Variants in GOLGA4 observed in about 807,000 individuals in gnomAD.
GOLGA4 encodes the protein golgin A4.
GOLGA4 carries 169 observed loss-of-function variants against 265.9 expected under a neutral mutation model. The observed-to-expected ratio is 0.64, with a 90% CI of 0.56 to 0.72. The LOEUF (loss-of-function observed/expected upper bound fraction) is 0.72. Among genes scored for constraint, GOLGA4 ranks in the 30% least tolerant of loss-of-function variants. The probability of loss-of-function intolerance (pLI) is 0.00; values close to 1 mark genes in which losing one functional copy is unlikely to be tolerated. For synonymous variants in GOLGA4, 923 were observed against 855.8 expected, an observed-to-expected ratio of 1.08 and a Z score of -1.37; for missense variants, 2,482 against 2,483.4, an observed-to-expected ratio of 1.00 and a Z score of 0.01.
intron 11 of GOLGA4, among the ~76,000 whole-genome samples, chr3:37,317,575 G>C (rs2096941338): frequency 6.6e-6 from 1 of 152,118 alleles, no homozygotes; most frequent in African/African-American, 2.4e-5. Flanking sequence ...TTTAATTGTT[G>C]CCTAGTTGCT....
intron 1 of GOLGA4, among the ~76,000 whole-genome samples, chr3:37,248,802 C>G (rs1375806000): frequency 2.6e-5 from 4 of 152,078 alleles, no homozygotes; most frequent in African/African-American, 9.7e-5. Context: ...AGGTGTAAGA[C>G]GTAATGCCAA....
At chr3:37,253,837 A>G (rs553922836) in intron 2 of GOLGA4, among the ~76,000 whole-genome samples, 40 of 152,222 alleles carry the variant, frequency 2.6e-4, no homozygotes, top group Admixed American at 2.3e-3. Context: ...AGCCTGATCA[A>G]TATGGTGAAA....
chr3:37,310,444 T>A (rs1052685921), intron 10 of GOLGA4, among the ~76,000 whole-genome samples: 2 of 152,244 alleles, frequency 1.3e-5, no homozygotes, highest in African/African-American at 4.8e-5. Context: ...CTTTGTCACT[T>A]AATACCTAGC....
chr3:37,243,711 T>C (rs902827941), intron 1 of GOLGA4, 89 bp downstream of exon 1: 14 of 1,088,558 alleles, frequency 1.3e-5, no homozygotes, highest in Non-Finnish European at 1.8e-5. Flanking sequence ...GGGGAAGTTC[T>C]TCCGTGACCT....
Position 37,327,616 on chromosome 3 carries a change from A to C in GOLGA4, c.5730A>C (p.Ser1910=). The C allele has an allele frequency of 6.2e-7, 1 of 1,613,216 alleles. No homozygotes were observed. Among genetic ancestry groups the C allele is most frequent in the South Asian group, 1.1e-5 (1 of 90,994 alleles). ...AAAACACTGAAGAAAAGTCCAAATC[A>C]CATTTGGTCCAACCCAAATTGCTTA... ...LEENTEEKSK[S]HLVQPKLLSN... Residue 1910 remains serine (S), a synonymous_variant, in exon 14 of 24, where the codon TCA becomes TCC. Transcript: ENST00000361924.
chr3:37,266,996 C>A, intron 2 of GOLGA4: 1 of 770,724 alleles, frequency 1.3e-6, no homozygotes, highest in Non-Finnish European at 1.9e-6. Context: ...AGTAATTTGG[C>A]AATTGTAGAA....
intron 2 of GOLGA4, among the ~76,000 whole-genome samples, chr3:37,252,447 T>C (rs939235806): frequency 2.6e-5 from 4 of 151,860 alleles, no homozygotes; most frequent in Admixed American, 6.6e-5. Context: ...ATTATTGTAC[T>C]TTTTTTTGGT....
rs1375290747 is a variant in GOLGA4 at position 37,362,780 on chromosome 3, C to CCTTTTTTTTTTTTTTTT, written c.*33+1475_*33+1476insCTTTTTTTTTTTTTTTT. ...CGATCTTCCTACCTCAGCCTCTAAGCTTTTTTTTTTTTTTTTTTTTGAGAC... is the reference window on the plus strand; with the variant it reads ...CGATCTTCCTACCTCAGCCTCTAAGCCTTTTTTTTTTTTTTTTTTTTTTTTTTTTTTTTTTTTGAGAC... On this transcript the variant is annotated intron_variant, in intron 23 of 23. Coordinates refer to ENST00000361924, the MANE Select transcript of GOLGA4 (RefSeq NM_002078.5). Among the ~76,000 whole-genome samples, 155 of 75,448 alleles carry CCTTTTTTTTTTTTTTTT rather than the reference C, an allele frequency of 2.1e-3. 3 individuals are homozygous for CCTTTTTTTTTTTTTTTT. Among genetic ancestry groups the CCTTTTTTTTTTTTTTTT allele is most frequent in the South Asian group, 5.4e-3 (15 of 2,792 alleles). The allele number at this position is 75,448 out of a possible 152,430, so 49.5% of individuals were successfully genotyped here.
rs1235372358 is a variant in GOLGA4 at position 37,251,482 on chromosome 3, G to C, written c.160G>C (p.Glu54Gln). The C allele has an allele frequency of 5.7e-6, 9 of 1,583,828 alleles. No homozygotes were observed. The highest frequency in any genetic ancestry group is 1.3e-5 in the African/African-American group (1 of 74,330). Residue 54 changes from glutamate (E) to glutamine (Q), a missense_variant and splice_region_variant, in exon 2 of 24, where the codon GAG becomes CAG. By Grantham distance (29) the Glu-to-Gln change is conservative. This residue lies in a region of GOLGA4 where 1,536 missense variants were observed against 1,483.7 expected (regional missense o/e 1.04). Transcript: ENST00000361924. ...EQLDEGTPNRESGDTQSFAQK... is the reference protein window; with the variant it reads ...EQLDEGTPNRQSGDTQSFAQK... ...ACTTGATGAAGGTACACCCAATAGA[G>C]AGGTAAGTTTGGAATTCCTTTTCTA...
At chr3:37,276,521 C>A in intron 2 of GOLGA4, 1 of 1,606,042 alleles carries the variant, frequency 6.2e-7, no homozygotes, top group Non-Finnish European at 8.5e-7. Flanking sequence ...CACACAGGTA[C>A]AAACCCGTAG....
At chr3:37,319,528 C>G (rs2096948867) in intron 12 of GOLGA4, 2 of 156,010 alleles carry the variant, frequency 1.3e-5, no homozygotes, top group African/African-American at 4.8e-5. Flanking sequence ...CTCAGCTTCC[C>G]AAGTAGCTGG....
chr3:37,293,305 A>ATT (rs565418254), intron 5 of GOLGA4, among the ~76,000 whole-genome samples: 4 of 148,426 alleles, frequency 2.7e-5, no homozygotes, highest in African/African-American at 9.9e-5. Flanking sequence ...TTTTCTTGTG[A>ATT]TTTTTTTTTT....
At chr3:37,285,390 GT>G (rs1025133232) in intron 3 of GOLGA4, among the ~76,000 whole-genome samples, 13 of 152,238 alleles carry the variant, frequency 8.5e-5, no homozygotes, top group African/African-American at 3.1e-4. Context: ...TAAATATCCT[GT>G]TTAGGTTAAA....
intron 21 of GOLGA4, among the ~76,000 whole-genome samples, chr3:37,353,723 C>T (rs1359484761): frequency 1.3e-5 from 2 of 151,712 alleles, no homozygotes; most frequent in African/African-American, 4.8e-5. Context: ...TTTGTAGAGA[C>T]GGCCATAAAT....
At chr3:37,308,278 T>A (rs1390497651) in intron 10 of GOLGA4, among the ~76,000 whole-genome samples, 2 of 151,372 alleles carry the variant, frequency 1.3e-5, no homozygotes, top group Admixed American at 6.6e-5. Flanking sequence ...TCGGATAAAT[T>A]GGTAAATTTT....
At position 37,366,057 on chromosome 3, in the gene GOLGA4, CTCTTTTCCTTTT is replaced by C; in HGVS notation, c.*34-14_*34-3del. 6.6e-7 allele frequency: 1 copy of C among 1,525,300 alleles called. No homozygotes were observed. Among genetic ancestry groups the C allele is most frequent in the Non-Finnish European group, 8.8e-7 (1 of 1,141,384 alleles). The allele number at this position is 1,525,300 out of a possible 1,614,324, so 94.5% of individuals were successfully genotyped here. A position where few individuals can be genotyped will look rare whatever the true frequency, so the allele number is the denominator to read the frequency against. On this transcript the variant is annotated splice_polypyrimidine_tract_variant and intron_variant, in intron 23 of 23. Coordinates refer to ENST00000361924, the MANE Select transcript of GOLGA4 (RefSeq NM_002078.5). ...GATTTTTTTGCCCCCTTTCTTTATT[CTCTTTTCCTTTT>C]TCTTTTCCAGTCATGGCTCCGATCT... is the stretch of plus-strand genomic sequence containing the variant.
Position 37,324,883 on chromosome 3 carries a change from T to G in GOLGA4, c.2997T>G (p.Phe999Leu), listed in dbSNP as rs757018066. ...ALELSQKEKQFNAKMLEMAQA... is the reference protein window; with the variant it reads ...ALELSQKEKQLNAKMLEMAQA... ...AGCTTAGTCAGAAAGAAAAACAGTT[T>G]AATGCCAAAATGCTGGAAATGGCAC... The change falls in exon 14 of 24, where the codon TTT becomes TTG. Residue 999 changes from phenylalanine to leucine, a missense_variant. This residue lies in a region of GOLGA4 where 1,536 missense variants were observed against 1,483.7 expected (regional missense o/e 1.04). Coordinates refer to ENST00000361924, the MANE Select transcript of GOLGA4 (RefSeq NM_002078.5). 2 of 1,599,396 alleles carry G rather than the reference T, an allele frequency of 1.3e-6. No homozygotes were observed. Among genetic ancestry groups the G allele is most frequent in the East Asian group, 4.5e-5 (2 of 44,834 alleles).
chr3:37,360,739 C>T (rs779548205), intron 22 of GOLGA4, among the ~76,000 whole-genome samples: 1 of 152,144 alleles, frequency 6.6e-6, no homozygotes, highest in African/African-American at 2.4e-5. Flanking sequence ...ATTTCTGATA[C>T]ATTGTTGAAT....
chr3:37,254,693 G>A (rs953276053), intron 2 of GOLGA4, among the ~76,000 whole-genome samples: 3 of 151,450 alleles, frequency 2.0e-5, no homozygotes, highest in African/African-American at 4.8e-5. Flanking sequence ...TACTTGAGAC[G>A]GAGTTTCACC....
Sources: gnomAD v4.1 joint callset for allele counts (sites outside exome capture counted in the v4.1 genomes callset) on GRCh38, gnomAD v4.1.1 for gene constraint, gnomAD v4.1.1 regional missense constraint, MANE v1.5 for transcripts, NCBI Gene and HGNC (gene_info 2026-07-23, HGNC 2026-07-21) for gene names.